Variants in KIF1B observed in about 807,000 individuals in gnomAD.
KIF1B encodes the protein kinesin family member 1B, also known as kinesin-like protein KIF1B.
In KIF1B, 76 loss-of-function variants were observed where a neutral mutation model predicts 241.9. The ratio of observed to expected loss-of-function variants is 0.31; its 90% CI spans 0.26 to 0.38. The LOEUF (loss-of-function observed/expected upper bound fraction) is 0.38. Ranked by LOEUF, KIF1B falls within the 10% of genes least tolerant of loss-of-function variation. The probability of loss-of-function intolerance (pLI) is 1.00; values close to 1 mark genes in which losing one functional copy is unlikely to be tolerated. For synonymous variants in KIF1B, 750 were observed against 796.7 expected (o/e 0.94, Z 0.99); for missense variants, 1,622 against 2,271.4 (o/e 0.71, Z 5.81).
At chr1:10,282,280 T>C in intron 14 of KIF1B, 42 bp from the exon 15 acceptor site, 1 of 1,492,670 alleles carries the variant, frequency 6.7e-7, no homozygotes, top group Non-Finnish European at 9.3e-7. Context: ...CTTCTTTCCC[T>C]TTTCCCTACT....
At position 10,253,186 on chromosome 1, in the gene KIF1B, AGT is replaced by A. The variant is rs547479589; in HGVS notation, c.107-3057_107-3056del. On this transcript the variant is annotated intron_variant, in intron 2 of 48. Coordinates refer to ENST00000676179, the MANE Select transcript of KIF1B (RefSeq NM_001365951.3). Reference sequence around the variant, plus strand: ...TTTAAATGATGGTGTCTGGGCTAAGAGTGTGAACTCTGGAGCCAAACCCTCCA... The same window carrying A: ...TTTAAATGATGGTGTCTGGGCTAAGAGTGAACTCTGGAGCCAAACCCTCCA... Among the ~76,000 whole-genome samples, 104 of 152,318 alleles carry A rather than the reference AGT, an allele frequency of 6.8e-4. No individual in the cohort carries two copies. In the East Asian group the frequency reaches 0.016, roughly 24 times the overall value.
intron 13 of KIF1B, 29 bp downstream of exon 13, chr1:10,278,157 C>T: frequency 6.2e-7 from 1 of 1,606,640 alleles, no homozygotes; most frequent in Non-Finnish European, 8.5e-7. Context: ...GTTACAAAAT[C>T]TAATCCTTTC....
intron 1 of KIF1B, among the ~76,000 whole-genome samples, chr1:10,220,095 G>A (rs527968403): frequency 1.1e-4 from 16 of 151,774 alleles, no homozygotes; most frequent in East Asian, 3.9e-4. Context: ...CCAGCTACTC[G>A]GGAGGCTGAA....
intron 23 of KIF1B, among the ~76,000 whole-genome samples, chr1:10,320,376 C>T (rs1332708231): frequency 1.3e-5 from 2 of 152,106 alleles, no homozygotes; most frequent in South Asian, 2.1e-4. Flanking sequence ...TTTCTGAGCA[C>T]GTTCATTTAA....
chr1:10,333,348 C>T (rs986621922), intron 27 of KIF1B, among the ~76,000 whole-genome samples: 5 of 148,646 alleles, frequency 3.4e-5, no homozygotes, highest in African/African-American at 1.2e-4. Context: ...CCAGCCTGGG[C>T]AACAAGAGTG....
chr1:10,374,594 T>C lies in KIF1B; in HGVS notation c.5096+129T>C. On this transcript the variant is annotated intron_variant, in intron 46 of 48. Coordinates refer to ENST00000676179, the MANE Select transcript of KIF1B (RefSeq NM_001365951.3). The surrounding 1 kb of genome is among the most constrained non-coding windows in gnomAD (Gnocchi z 4.3). Reference sequence around the variant, plus strand: ...AATCTGTACTGTAGTCTGATGCAAGTTGAGTCTGGGGTGAGAGGGCCAGCC... The same window carrying C: ...AATCTGTACTGTAGTCTGATGCAAGCTGAGTCTGGGGTGAGAGGGCCAGCC... 1 of 1,205,058 alleles carries C rather than the reference T, an allele frequency of 8.3e-7. No individual in the cohort carries two copies. Among genetic ancestry groups the C allele is most frequent in the Non-Finnish European group, 1.2e-6 (1 of 825,374 alleles). The allele number at this position is 1,205,058 out of a possible 1,614,324, so 74.6% of individuals were successfully genotyped here.
At chr1:10,274,324 A>C (rs182341693) in intron 10 of KIF1B, among the ~76,000 whole-genome samples, 84 of 152,240 alleles carry the variant, frequency 5.5e-4, no homozygotes, top group Admixed American at 1.4e-3. Context: ...CATTTGCATT[A>C]ATTTTTACTT....
intron 5 of KIF1B, among the ~76,000 whole-genome samples, chr1:10,265,016 T>C (rs552606558): frequency 6.6e-6 from 1 of 152,008 alleles, no homozygotes; most frequent in African/African-American, 2.4e-5. Context: ...TTACCCAGAC[T>C]GGAGTGCAGT....
intron 12 of KIF1B, among the ~76,000 whole-genome samples, chr1:10,276,737 A>T (rs1649130206): frequency 1.3e-5 from 2 of 151,900 alleles, no homozygotes; most frequent in South Asian, 4.1e-4. Context: ...TTTCTTATTC[A>T]TTTCTATAAA....
rs1274170790 is a variant in KIF1B, at chr1:10,223,537, T to G, written c.-79-8713T>G. On this transcript the variant is annotated intron_variant, in intron 1 of 48. Transcript: ENST00000676179. Reference sequence around the variant, plus strand: ...GGTTGCAAGGTGGTTTTTTTTTTTGTTTTGTTTTGTTTTTTTTTTTTTTTT... The same window carrying G: ...GGTTGCAAGGTGGTTTTTTTTTTTGGTTTGTTTTGTTTTTTTTTTTTTTTT... Among the ~76,000 whole-genome samples, 11 of 136,880 alleles carry G rather than the reference T, an allele frequency of 8.0e-5. No homozygotes were observed. The South Asian group carries it at 2.4e-3, about 30-fold the overall frequency. The allele number at this position is 136,880 out of a possible 152,430, so 89.8% of individuals were successfully genotyped here.
At chr1:10,239,974 G>C (rs12406776) in intron 2 of KIF1B, among the ~76,000 whole-genome samples, 36,642 of 151,936 alleles carry the variant, frequency 0.24, 5,031 homozygotes, top group Admixed American at 0.31. Context: ...CACCGTGTTA[G>C]CCAAGATGGT....
In KIF1B at chr1:10,360,910, C is replaced by A. The variant is rs753780102; in HGVS notation, c.4056-19C>A. ...TTTAGCTTCTTTTGGATGATTCCCT[C>A]TTGTCTTTCTGACCTTAGGACCTTC... On this transcript the variant is annotated intron_variant, in intron 38 of 48. Coordinates refer to ENST00000676179, the MANE Select transcript of KIF1B (RefSeq NM_001365951.3). 3 of 1,543,592 alleles carry A rather than the reference C, an allele frequency of 1.9e-6. No individual in the cohort carries two copies. The highest frequency in any genetic ancestry group is 2.7e-6 in the Non-Finnish European group (3 of 1,115,986).
At chr1:10,314,174 G>A (rs1034593839) in intron 22 of KIF1B, among the ~76,000 whole-genome samples, 2 of 150,852 alleles carry the variant, frequency 1.3e-5, no homozygotes, top group Non-Finnish European at 2.9e-5. Flanking sequence ...GAGCCACCGC[G>A]TCCAGCCAAA....
intron 32 of KIF1B, among the ~76,000 whole-genome samples, chr1:10,340,650 C>T (rs948089267): frequency 6.6e-6 from 1 of 152,134 alleles, no homozygotes; most frequent in African/African-American, 2.4e-5. Flanking sequence ...TTGTGACCAG[C>T]CTGGCCAACA....
chr1:10,218,393 A>T (rs1459649074), intron 1 of KIF1B, among the ~76,000 whole-genome samples: 1 of 150,522 alleles, frequency 6.6e-6, no homozygotes, highest in African/African-American at 2.4e-5. Context: ...TCACATGGCT[A>T]TTAAATTCAT....
In KIF1B at chr1:10,370,191, G is replaced by A. The variant is rs577019419; in HGVS notation, c.4825-950G>A. 7.9e-5 allele frequency among the ~76,000 whole-genome samples: 12 copies of A among 151,990 alleles called. No individual in the cohort carries two copies. The South Asian group carries it at 1.7e-3, about 21-fold the overall frequency. ...CTTGAACCTGGGAGGTGGAGGTTGC[G>A]GTGAGCCAAGATCGCACCACTGCAC... On this transcript the variant is annotated intron_variant, in intron 44 of 48. Coordinates refer to ENST00000676179, the MANE Select transcript of KIF1B (RefSeq NM_001365951.3).
intron 38 of KIF1B, among the ~76,000 whole-genome samples, chr1:10,358,543 C>T (rs1192158847): frequency 6.6e-6 from 1 of 151,954 alleles, no homozygotes; most frequent in Non-Finnish European, 1.5e-5. Flanking sequence ...GGTACTTTGA[C>T]AAAAACAGGA....
rs1650297228 is a variant in KIF1B at position 10,296,962 on chromosome 1, G to A, written c.1927G>A (p.Glu643Lys). The A allele has an allele frequency of 1.9e-6, 3 of 1,613,964 alleles. No individual in the cohort carries two copies. Among genetic ancestry groups the A allele is most frequent in the Non-Finnish European group, 2.5e-6 (3 of 1,179,980 alleles). ...TAACCACCCGGAACAAGCACGAGCTGAGCGAGAGAAGACTCCTTCTGCTGA... is the reference window on the plus strand; with the variant it reads ...TAACCACCCGGAACAAGCACGAGCTAAGCGAGAGAAGACTCCTTCTGCTGA... ...RFNHPEQARA[E>K]REKTPSAETP... Residue 643 changes from glutamate to lysine, a missense_variant, in exon 21 of 49, where the codon GAG becomes AAG. Coordinates refer to ENST00000676179, the MANE Select transcript of KIF1B (RefSeq NM_001365951.3).
chr1:10,277,737 C>T (rs1404023766), intron 12 of KIF1B, among the ~76,000 whole-genome samples: 1 of 152,194 alleles, frequency 6.6e-6, no homozygotes, highest in Non-Finnish European at 1.5e-5. Flanking sequence ...AAACACTATA[C>T]AGTCTCATAA....
Sources: allele counts gnomAD v4.1 joint callset (sites outside exome capture counted in the v4.1 genomes callset), GRCh38; gene constraint gnomAD v4.1.1; non-coding constraint Gnocchi (gnomAD v3.1); transcripts MANE v1.5; gene names NCBI Gene and HGNC (gene_info 2026-07-23, HGNC 2026-07-21).